Variants in CNTRL observed in about 807,000 individuals in gnomAD.
The protein encoded by CNTRL is 110 kDa centrosomal protein.
Under a neutral mutation model 303.7 loss-of-function variants are expected in CNTRL, and 233 were observed. The observed-to-expected ratio is 0.77, with a 90% CI of 0.69 to 0.86. CNTRL has a LOEUF of 0.86. CNTRL is among the 40% of genes least tolerant of loss of function. The pLI, the probability that CNTRL is intolerant of heterozygous loss-of-function variation, is 0.00. For missense variants in CNTRL, 2,524 were observed against 2,650.6 expected (o/e 0.95, Z 1.05); for synonymous variants, 900 against 922.2 (o/e 0.98, Z 0.44).
chr9:121,158,034 C>T lies in CNTRL; in HGVS notation c.4689C>T (p.His1563=). The part of the protein sequence containing the change: ...DIEMAERNED[H]HLQVLKESEV... ...AGATGGCAGAACGCAATGAGGATCA[C>T]CACCTGCAGGTCCTTAAAGAATCTG... The change falls in exon 30 of 44, where the codon CAC becomes CAT. Residue 1563 remains histidine (H), a synonymous_variant. Transcript: ENST00000373855. 1 of 1,614,124 alleles carries T rather than the reference C, an allele frequency of 6.2e-7. No homozygotes were observed. The highest frequency in any genetic ancestry group is 8.5e-7 in the Non-Finnish European group (1 of 1,180,026).
chr9:121,124,245 C>T (rs1050395404), intron 13 of CNTRL, among the ~76,000 whole-genome samples, 161 bp downstream of exon 13: 2 of 152,146 alleles, frequency 1.3e-5, no homozygotes, highest in Non-Finnish European at 2.9e-5. Flanking sequence ...GTAGTTAATG[C>T]AATTTTAAGA....
chr9:121,087,686 T>C (rs549782399), intron 2 of CNTRL, among the ~76,000 whole-genome samples: 1 of 152,130 alleles, frequency 6.6e-6, no homozygotes, highest in African/African-American at 2.4e-5. Context: ...AGTGAGATTC[T>C]GTCTCAAAAA....
chr9:121,096,851 T>C (rs140577456), intron 6 of CNTRL, among the ~76,000 whole-genome samples: 311 of 152,296 alleles, frequency 2.0e-3, no homozygotes, highest in African/African-American at 7.3e-3. Flanking sequence ...AGGATTATTT[T>C]TGTAACACTA....
chr9:121,102,168 C>T (rs939804834), intron 7 of CNTRL, among the ~76,000 whole-genome samples: 3 of 152,096 alleles, frequency 2.0e-5, no homozygotes, highest in African/African-American at 7.2e-5. Flanking sequence ...ACTGGCAAAC[C>T]GAATCCAGCA....
At chr9:121,103,647 C>T (rs1193067416) in intron 7 of CNTRL, among the ~76,000 whole-genome samples, 1 of 151,984 alleles carries the variant, frequency 6.6e-6, no homozygotes, top group Admixed American at 6.6e-5. Context: ...TGCAATGCAC[C>T]CATCTGACAA....
chr9:121,142,401 T>A, intron 19 of CNTRL, 131 bp downstream of exon 19: 1 of 655,774 alleles, frequency 1.5e-6, no homozygotes, highest in Non-Finnish European at 2.4e-6. Flanking sequence ...GTGCTGAACC[T>A]GACCTAGGTG....
At chr9:121,144,754 T>G in intron 20 of CNTRL, 89 bp from the exon 21 acceptor site, 2 of 1,024,050 alleles carry the variant, frequency 2.0e-6, no homozygotes, top group Non-Finnish European at 1.5e-6. Flanking sequence ...GGCAATGTGA[T>G]GAAAGCAGAA....
At chr9:121,141,681 C>T in intron 18 of CNTRL, 93 bp downstream of exon 18, 1 of 1,163,166 alleles carries the variant, frequency 8.6e-7, no homozygotes, top group Non-Finnish European at 1.2e-6. Context: ...CATGTAAATA[C>T]AACATAATTG....
In CNTRL at chr9:121,125,935, A is replaced by C. The variant is rs950688223; in HGVS notation, c.2024A>C (p.Lys675Thr). 5.0e-6 allele frequency: 8 copies of C among 1,613,326 alleles called. No individual in the cohort carries two copies. Among genetic ancestry groups the C allele is most frequent in the Non-Finnish European group, 6.8e-6 (8 of 1,179,384 alleles). ...GCCATGGATGCAGAAAATATGAGGA[A>C]GGTATGATTTTTTTCCTGCCTATTT... ...IVAMDAENMR[K>T]ELAELESALQ... Residue 675 changes from lysine (K) to threonine (T), a missense_variant and splice_region_variant, in exon 14 of 44, where the codon AAG (lysine) becomes ACG (threonine). Coordinates refer to ENST00000373855, the MANE Select transcript of CNTRL (RefSeq NM_007018.6).
chr9:121,133,152 G>C (rs761298094), intron 14 of CNTRL, among the ~76,000 whole-genome samples: 6 of 152,232 alleles, frequency 3.9e-5, no homozygotes, highest in Non-Finnish European at 7.3e-5. Flanking sequence ...ACTGTGCTGG[G>C]AGAACCACTG....
Position 121,171,567 on chromosome 9 carries a change from C to A in CNTRL, c.6417+19C>A. The A allele has an allele frequency of 6.2e-7, 1 of 1,610,162 alleles. No individual in the cohort carries two copies. The highest frequency in any genetic ancestry group is 8.5e-7 in the Non-Finnish European group (1 of 1,178,030). On this transcript the variant is annotated intron_variant, in intron 40 of 43. Transcript: ENST00000373855. ...GAAACAGGTGTGTGCCCAGAAAGCC[C>A]AGCTGGCCAGCCTGGGGAGAGAGGA...
Position 121,155,374 on chromosome 9 carries a change from C to T in CNTRL, c.4365+461C>T, listed in dbSNP as rs183274910. Among the ~76,000 whole-genome samples the T allele has an allele frequency of 2.9e-3, 434 of 152,122 alleles. 3 individuals carry two copies. Among genetic ancestry groups the T allele is most frequent in the Non-Finnish European group, 7.8e-4 (53 of 67,986 alleles). ...ATAATGATACAAAATATTTTTTGGT[C>T]AGAGATAATTTTCTTTTTTTTGTTT... is the stretch of plus-strand genomic sequence containing the variant. On this transcript the variant is annotated intron_variant, in intron 27 of 43. Coordinates refer to ENST00000373855, the MANE Select transcript of CNTRL (RefSeq NM_007018.6).
In CNTRL at chr9:121,171,355, A is replaced by C. The variant is rs561345728; in HGVS notation, c.6277-53A>C. 3 of 1,607,210 alleles carry C rather than the reference A, an allele frequency of 1.9e-6. No individual in the cohort carries two copies. The African/African-American group carries it at 4.0e-5, about 21-fold the overall frequency. On this transcript the variant is annotated intron_variant, in intron 39 of 43. Coordinates refer to ENST00000373855, the MANE Select transcript of CNTRL (RefSeq NM_007018.6). ...GAGCTAGTGAGTGTGTAAGCCAGCA[A>C]ACCACACCTCCATGTGTTAGATCGC...
At chr9:121,153,727 T>G (rs2052411429) in intron 26 of CNTRL, among the ~76,000 whole-genome samples, 1 of 152,226 alleles carries the variant, frequency 6.6e-6, no homozygotes, top group African/African-American at 2.4e-5. Flanking sequence ...CCATGAATTA[T>G]GACAGTTCCC....
chr9:121,088,511 A>G lies in CNTRL; in HGVS notation c.185A>G (p.Asn62Ser). ...WCEQVEIADE[N>S]NMLLDYQDHK... ...GAGCAAGTTGAGATTGCAGATGAAA[A>G]CAATATGCTTTTGGACTATCAAGAC... The change falls in exon 3 of 44, where the codon AAC (asparagine) becomes AGC (serine). Residue 62 changes from asparagine to serine, a missense_variant. Coordinates refer to ENST00000373855, the MANE Select transcript of CNTRL (RefSeq NM_007018.6). 6.2e-7 allele frequency: 1 copy of G among 1,610,906 alleles called. No homozygotes were observed. Among genetic ancestry groups the G allele is most frequent in the Non-Finnish European group, 8.5e-7 (1 of 1,177,118 alleles).
chr9:121,087,237 G>C (rs762210546), intron 2 of CNTRL, among the ~76,000 whole-genome samples: 8 of 152,198 alleles, frequency 5.3e-5, no homozygotes, highest in Non-Finnish European at 1.0e-4. Flanking sequence ...CCAGCGAGCA[G>C]TGTTCAGTAT....
At chr9:121,129,838 G>T (rs1336799885) in intron 14 of CNTRL, among the ~76,000 whole-genome samples, 1 of 152,084 alleles carries the variant, frequency 6.6e-6, no homozygotes, top group Non-Finnish European at 1.5e-5. Flanking sequence ...ACAGTTTTTA[G>T]CATGAAGGGC....
intron 34 of CNTRL, 77 bp from the exon 35 acceptor site, chr9:121,164,866 G>A: frequency 8.9e-7 from 1 of 1,121,944 alleles, no homozygotes; most frequent in Non-Finnish European, 1.3e-6. Context: ...TGTATGTTGT[G>A]AAAGGATAAC....
chr9:121,127,820 G>A (rs1257381332), intron 14 of CNTRL, among the ~76,000 whole-genome samples: 1 of 125,442 alleles, frequency 8.0e-6, no homozygotes, highest in Non-Finnish European at 1.6e-5. Context: ...ACAGGCCCCG[G>A]TGTGTGATGT....
Sources: gnomAD v4.1 joint callset for allele counts (sites outside exome capture counted in the v4.1 genomes callset) on GRCh38, gnomAD v4.1.1 for gene constraint, MANE v1.5 for transcripts, NCBI Gene and HGNC (gene_info 2026-07-23, HGNC 2026-07-21) for gene names.